MLLT3: variants seen among roughly 807,000 people sequenced by gnomAD.
MLLT3 encodes the protein MLLT3 super elongation complex subunit.
In MLLT3, 4 loss-of-function variants were observed where a neutral mutation model predicts 53.2. That is an observed-to-expected ratio of 0.08 (90% CI 0.04 to 0.17). MLLT3 has a LOEUF of 0.17. Among genes scored for constraint, MLLT3 ranks in the 10% least tolerant of loss-of-function variants. The probability of loss-of-function intolerance (pLI) is 1.00; values close to 1 mark genes in which losing one functional copy is unlikely to be tolerated. For missense variants in MLLT3, 569 were observed against 684.0 expected, an observed-to-expected ratio of 0.83 and a Z score of 1.87; for synonymous variants, 283 against 230.6, an observed-to-expected ratio of 1.23 and a Z score of -2.06.
Position 20,448,906 on chromosome 9 carries a change from C to A in MLLT3, c.277-640G>T, listed in dbSNP as rs1425485524. On this transcript the variant is annotated intron_variant, in intron 3 of 10. Transcript: ENST00000380338. The surrounding 1 kb of genome is among the most constrained non-coding windows in gnomAD (Gnocchi z 4.0). ...TCATATTCCACCATTCCCCTTCTGT[C>A]CATCTGATGGCCTAGCAACATCCCA... Among the ~76,000 whole-genome samples, 9 of 152,156 alleles carry A rather than the reference C, an allele frequency of 5.9e-5. No homozygotes were observed. Among genetic ancestry groups the A allele is most frequent in the Non-Finnish European group, 2.9e-5 (2 of 68,024 alleles).
intron 2 of MLLT3, among the ~76,000 whole-genome samples, chr9:20,590,473 C>T (rs1020853457): frequency 4.6e-5 from 7 of 152,166 alleles, no homozygotes; most frequent in Non-Finnish European, 8.8e-5. Flanking sequence ...TGAGTTCTCA[C>T]GGGAATTTAT....
intron 2 of MLLT3, among the ~76,000 whole-genome samples, chr9:20,567,562 GT>G (rs1819412396): frequency 6.6e-6 from 1 of 152,008 alleles, no homozygotes; most frequent in South Asian, 2.1e-4. Flanking sequence ...TATCATCACA[GT>G]TCTCCTTTTC....
intron 2 of MLLT3, chr9:20,533,080 A>C (rs909982145): frequency 8.0e-6 from 2 of 249,128 alleles, no homozygotes; most frequent in African/African-American, 2.3e-5. Flanking sequence ...CTGTGTCGTA[A>C]AATGGGGGTC....
chr9:20,510,562 A>C (rs1447522494), intron 2 of MLLT3, among the ~76,000 whole-genome samples: 1 of 150,878 alleles, frequency 6.6e-6, no homozygotes, highest in Admixed American at 6.6e-5. Context: ...CAGTGAGCCA[A>C]GATCATATGA....
intron 5 of MLLT3, among the ~76,000 whole-genome samples, chr9:20,386,228 C>T (rs150036852): frequency 1.3e-5 from 2 of 152,114 alleles, no homozygotes; most frequent in African/African-American, 4.8e-5. Flanking sequence ...AATGGTGTTA[C>T]CAGTCAGTTT....
At chr9:20,501,595 C>CA (rs1182035816) in intron 2 of MLLT3, among the ~76,000 whole-genome samples, 1 of 151,006 alleles carries the variant, frequency 6.6e-6, no homozygotes, top group East Asian at 2.0e-4. Context: ...ACTAAAAATA[C>CA]AAAAAATTAG....
intron 4 of MLLT3, among the ~76,000 whole-genome samples, chr9:20,414,639 G>A (rs1822827603): frequency 6.6e-6 from 1 of 152,178 alleles, no homozygotes; most frequent in African/African-American, 2.4e-5. Flanking sequence ...ATAATTTAAT[G>A]AGGAAAGCTG....
At chr9:20,514,472 A>T (rs1459228780) in intron 2 of MLLT3, among the ~76,000 whole-genome samples, 3 of 152,126 alleles carry the variant, frequency 2.0e-5, no homozygotes, top group Non-Finnish European at 2.9e-5. Flanking sequence ...TATTCAACAA[A>T]ATGATATGTA....
Position 20,480,720 on chromosome 9 carries a change from T to C in MLLT3, c.194-23934A>G, listed in dbSNP as rs1477137336. ...TAATATTCATAGAGCACTAATGCACTGACTCACCGAACAAACCTTTGTACA... is the reference window on the plus strand; with the variant it reads ...TAATATTCATAGAGCACTAATGCACCGACTCACCGAACAAACCTTTGTACA... On this transcript the variant is annotated intron_variant, in intron 2 of 10. Coordinates refer to ENST00000380338, the MANE Select transcript of MLLT3 (RefSeq NM_004529.4). Among the ~76,000 whole-genome samples, 4 of 152,316 alleles carry C rather than the reference T, an allele frequency of 2.6e-5. No individual in the cohort carries two copies. The East Asian group carries it at 7.7e-4, about 29-fold the overall frequency.
chr9:20,574,000 T>C lies in MLLT3; in HGVS notation c.193+46654A>G, dbSNP rs376278235. ...AAGAACTGGTGACTGGTTACTCCTA[T>C]TAAGGAGAATAGTAAATCACTTCAT... is the stretch of plus-strand genomic sequence containing the variant. On this transcript the variant is annotated intron_variant, in intron 2 of 10. Transcript: ENST00000380338. 1.8e-3 allele frequency among the ~76,000 whole-genome samples: 280 copies of C among 152,290 alleles called. 1 individual carries two copies. The highest frequency in any genetic ancestry group is 6.6e-3 in the African/African-American group (275 of 41,558).
At chr9:20,457,771 C>A (rs138322153) in intron 2 of MLLT3, among the ~76,000 whole-genome samples, 24 of 152,312 alleles carry the variant, frequency 1.6e-4, no homozygotes, top group African/African-American at 5.3e-4. Flanking sequence ...GACTATTAGG[C>A]AAGCTCTTGG....
chr9:20,433,738 A>C (rs895707283), intron 4 of MLLT3, among the ~76,000 whole-genome samples: 1 of 152,138 alleles, frequency 6.6e-6, no homozygotes, highest in African/African-American at 2.4e-5. Context: ...GGAAAGACCA[A>C]GGAACTCTTT....
intron 2 of MLLT3, among the ~76,000 whole-genome samples, chr9:20,617,804 T>C (rs1051582465): frequency 6.6e-6 from 1 of 152,192 alleles, no homozygotes; most frequent in East Asian, 1.9e-4. Context: ...CTCCCACCCA[T>C]CTTTGTGACA....
At chr9:20,458,325 G>C (rs973310814) in intron 2 of MLLT3, among the ~76,000 whole-genome samples, 1 of 152,174 alleles carries the variant, frequency 6.6e-6, no homozygotes, top group Non-Finnish European at 1.5e-5. Flanking sequence ...CAAGAAGATA[G>C]AGTGTCAAGG....
chr9:20,584,776 T>C (rs1819905815), intron 2 of MLLT3, among the ~76,000 whole-genome samples: 1 of 152,202 alleles, frequency 6.6e-6, no homozygotes, highest in South Asian at 2.1e-4. Context: ...CAAGTTGAGA[T>C]TTGGGTGGGG....
intron 2 of MLLT3, among the ~76,000 whole-genome samples, chr9:20,588,888 C>A (rs1032119310): frequency 6.6e-6 from 1 of 151,670 alleles, no homozygotes. Flanking sequence ...CAATGAGATA[C>A]CATCTCACAC....
At chr9:20,502,379 G>C (rs1398674594) in intron 2 of MLLT3, 1 of 153,124 alleles carries the variant, frequency 6.5e-6, no homozygotes, top group Non-Finnish European at 1.5e-5. Context: ...AGCACTGTAA[G>C]GAGCTGAATT....
intron 10 of MLLT3, among the ~76,000 whole-genome samples, chr9:20,347,075 C>CA (rs11295975): frequency 0.058 from 4,725 of 81,814 alleles, 45 homozygotes; most frequent in Non-Finnish European, 0.069. Flanking sequence ...CAGGAACTCC[C>CA]AAAAAAAAAA....
intron 9 of MLLT3, 34 bp downstream of exon 9, chr9:20,354,774 T>C: frequency 7.3e-7 from 1 of 1,378,510 alleles, no homozygotes. Context: ...CTTGTCAGTG[T>C]TGGAGCCCTC....
Sources: gnomAD v4.1 joint callset for allele counts (sites outside exome capture counted in the v4.1 genomes callset) on GRCh38, gnomAD v4.1.1 for gene constraint, Gnocchi (gnomAD v3.1) non-coding constraint, MANE v1.5 for transcripts, NCBI Gene and HGNC (gene_info 2026-07-23, HGNC 2026-07-21) for gene names.